The following SLC44A3 variants were observed in gnomAD, a reference collection of about 807,000 sequenced individuals.
SLC44A3 encodes the protein solute carrier family 44 member 3.
A neutral mutation model predicts 75.4 loss-of-function variants in SLC44A3; 74 were observed. The observed-to-expected ratio is 0.98, with a 90% CI of 0.81 to 1.19. SLC44A3 has a LOEUF of 1.19. SLC44A3 is among the 50% of genes most tolerant of loss of function. The pLI is 0.00. For synonymous variants in SLC44A3, 310 were observed against 296.9 expected, an observed-to-expected ratio of 1.04 and a Z score of -0.45; for missense variants, 700 against 778.6, an observed-to-expected ratio of 0.90 and a Z score of 1.20.
At chr1:94,869,051 T>A (rs1667478869) in intron 12 of SLC44A3, among the ~76,000 whole-genome samples, 1 of 152,180 alleles carries the variant, frequency 6.6e-6, no homozygotes, top group Admixed American at 6.5e-5. Flanking sequence ...GGTTTAGGGG[T>A]GGGAGTGTGG....
intron 3 of SLC44A3, chr1:94,825,773 GGGGCTCTT>G: frequency 2.2e-6 from 1 of 454,264 alleles, no homozygotes; most frequent in Non-Finnish European, 4.4e-6. Flanking sequence ...TGCTCCTAAG[GGGGCTCTT>G]GCTCTTTCTG....
intron 2 of SLC44A3, among the ~76,000 whole-genome samples, chr1:94,824,022 A>G (rs1660959749): frequency 6.6e-6 from 1 of 152,198 alleles, no homozygotes; most frequent in Non-Finnish European, 1.5e-5. Context: ...ACAGTGTTTC[A>G]GTACATATCA....
chr1:94,869,651 C>T (rs1667548042), intron 12 of SLC44A3, among the ~76,000 whole-genome samples: 1 of 150,956 alleles, frequency 6.6e-6, no homozygotes, highest in South Asian at 2.1e-4. Flanking sequence ...TACTGGAAAG[C>T]AGAGTGAAAT....
chr1:94,820,469 C>T lies in SLC44A3; in HGVS notation c.18C>T (p.Ala6=). 1 of 1,496,316 alleles carries T rather than the reference C, an allele frequency of 6.7e-7. No homozygotes were observed. The highest frequency in any genetic ancestry group is 1.2e-5 in the South Asian group (1 of 80,590). 92.7% of individuals were successfully genotyped at this position (1,496,316 alleles called of 1,614,324 possible). ...AGCGCACGATGCACTGCCTGGGCGCCGAGTACCTGGTAAGCGCTCGCAGCC... is the reference window on the plus strand; with the variant it reads ...AGCGCACGATGCACTGCCTGGGCGCTGAGTACCTGGTAAGCGCTCGCAGCC... MHCLG[A]EYLVSAEGAP... is the part of the protein sequence containing the mutation. Residue 6 remains alanine, a synonymous_variant, in exon 1 of 15, where the codon GCC becomes GCT. Coordinates refer to ENST00000271227, the MANE Select transcript of SLC44A3 (RefSeq NM_001114106.3).
chr1:94,849,672 G>A (rs1182624644), intron 9 of SLC44A3, among the ~76,000 whole-genome samples: 1 of 152,228 alleles, frequency 6.6e-6, no homozygotes, highest in African/African-American at 2.4e-5. Context: ...AGCTTCAGCG[G>A]GGACAGACAC....
intron 5 of SLC44A3, among the ~76,000 whole-genome samples, chr1:94,833,747 A>G (rs1005669047): frequency 6.6e-6 from 1 of 152,118 alleles, no homozygotes; most frequent in East Asian, 1.9e-4. Flanking sequence ...GAGTCACATG[A>G]CAAGTCTAGT....
intron 13 of SLC44A3, among the ~76,000 whole-genome samples, chr1:94,891,999 T>A (rs865948368): frequency 2.0e-5 from 3 of 152,296 alleles, no homozygotes; most frequent in Middle Eastern, 3.4e-3. Flanking sequence ...AAAAGCAGAA[T>A]AAAAAGCTTG....
At chr1:94,891,339 G>A in intron 13 of SLC44A3, 72 bp downstream of exon 13, 2 of 1,472,908 alleles carry the variant, frequency 1.4e-6, no homozygotes, top group Non-Finnish European at 1.8e-6. Context: ...GGTTTGAAAG[G>A]GAACTATATT....
chr1:94,889,506 C>T (rs1379247125), intron 12 of SLC44A3, among the ~76,000 whole-genome samples: 2 of 146,022 alleles, frequency 1.4e-5, no homozygotes, highest in African/African-American at 5.2e-5. Context: ...CCTGAGAAAT[C>T]GTCTCATGTG....
At chr1:94,844,525 G>A (rs1002395172) in intron 8 of SLC44A3, among the ~76,000 whole-genome samples, 1 of 152,218 alleles carries the variant, frequency 6.6e-6, no homozygotes, top group Non-Finnish European at 1.5e-5. Flanking sequence ...GAAGCCAAGG[G>A]AGGAAAATGT....
chr1:94,830,732 G>A (rs559769384), intron 5 of SLC44A3, among the ~76,000 whole-genome samples: 13 of 152,230 alleles, frequency 8.5e-5, no homozygotes, highest in South Asian at 8.3e-4. Context: ...ATGTAACTAC[G>A]GATGGAATTG....
At chr1:94,834,917 C>T (rs888971069) in intron 5 of SLC44A3, among the ~76,000 whole-genome samples, 2 of 152,118 alleles carry the variant, frequency 1.3e-5, no homozygotes, top group East Asian at 1.9e-4. Context: ...AGGAGAAACC[C>T]GGCAGGTACC....
intron 14 of SLC44A3, among the ~76,000 whole-genome samples, chr1:94,893,922 C>T (rs1670493024): frequency 1.3e-5 from 2 of 151,886 alleles, no homozygotes; most frequent in Admixed American, 1.3e-4. Flanking sequence ...TGGTGAAACC[C>T]TATCTCTACT....
At chr1:94,867,241 A>G in intron 11 of SLC44A3, 90 bp from the exon 12 acceptor site, 1 of 1,120,914 alleles carries the variant, frequency 8.9e-7, no homozygotes, top group African/African-American at 1.6e-5. Flanking sequence ...CAGGTGCATA[A>G]GTAAAAACTG....
chr1:94,834,090 A>G (rs1255721358), intron 5 of SLC44A3, among the ~76,000 whole-genome samples: 1 of 152,254 alleles, frequency 6.6e-6, no homozygotes, highest in African/African-American at 2.4e-5. Flanking sequence ...TAAACAATAC[A>G]GTATAATGGT....
At chr1:94,879,140 A>G (rs1668643578) in intron 12 of SLC44A3, among the ~76,000 whole-genome samples, 1 of 152,092 alleles carries the variant, frequency 6.6e-6, no homozygotes, top group African/African-American at 2.4e-5. Context: ...ATAGAATGGG[A>G]GAAAATAAAT....
intron 5 of SLC44A3, 32 bp downstream of exon 5, chr1:94,828,618 A>G: frequency 6.3e-7 from 1 of 1,592,042 alleles, no homozygotes; most frequent in East Asian, 2.2e-5. Context: ...CCTTAACTCT[A>G]AACAAAAGTT....
intron 12 of SLC44A3, among the ~76,000 whole-genome samples, chr1:94,882,139 T>C (rs1669073488): frequency 6.6e-6 from 1 of 152,240 alleles, no homozygotes; most frequent in African/African-American, 2.4e-5. Flanking sequence ...AGTCTAAGTT[T>C]ATCTTCTCTA....
At chr1:94,825,025 G>T (rs773032305) in intron 3 of SLC44A3, among the ~76,000 whole-genome samples, 1 of 152,192 alleles carries the variant, frequency 6.6e-6, no homozygotes, top group Admixed American at 6.5e-5. Context: ...GTTACCAATC[G>T]TATATGTTTG....
Sources: allele counts gnomAD v4.1 joint callset (sites outside exome capture counted in the v4.1 genomes callset), GRCh38; gene constraint gnomAD v4.1.1; transcripts MANE v1.5; gene names NCBI Gene and HGNC (gene_info 2026-07-23, HGNC 2026-07-21).